Variants in EML6 observed in about 807,000 individuals in gnomAD.
EML6 encodes EMAP like 6, also known as echinoderm microtubule-associated protein-like 6.
A neutral mutation model predicts 240.1 loss-of-function variants in EML6; 154 were observed. That is an observed-to-expected ratio of 0.64 (90% confidence interval 0.56 to 0.73). The LOEUF (loss-of-function observed/expected upper bound fraction) is 0.73, where lower values mean the gene tolerates loss of function less well. Among genes scored for constraint, EML6 ranks in the 30% least tolerant of loss-of-function variants. EML6 has a pLI of 0.00. For missense variants in EML6, 2,964 were observed against 2,474.6 expected (o/e 1.20, Z -4.20); for synonymous variants, 1,148 against 899.0 (o/e 1.28, Z -4.95).
At chr2:54,909,702 A>G (rs994398086) in intron 24 of EML6, among the ~76,000 whole-genome samples, 2 of 152,002 alleles carry the variant, frequency 1.3e-5, no homozygotes, top group African/African-American at 4.8e-5. Context: ...GAATTAGCCA[A>G]GTGTGGTGGT....
chr2:54,887,235 G>T (rs938538552), intron 17 of EML6, among the ~76,000 whole-genome samples: 3 of 152,288 alleles, frequency 2.0e-5, no homozygotes, highest in African/African-American at 7.2e-5. Flanking sequence ...AATGGTTGTA[G>T]CATCAGCTGA....
At chr2:54,873,461 A>G (rs535703909) in intron 16 of EML6, among the ~76,000 whole-genome samples, 267 of 152,318 alleles carry the variant, frequency 1.8e-3, no homozygotes, top group Admixed American at 2.2e-3. Context: ...ACAAAGTCCA[A>G]ACTCCCGGAA....
chr2:54,926,341 A>T (rs908076448), intron 26 of EML6, among the ~76,000 whole-genome samples: 1 of 152,216 alleles, frequency 6.6e-6, no homozygotes, highest in African/African-American at 2.4e-5. Flanking sequence ...ACCTCAAGTG[A>T]TCTGCCCGCC....
intron 30 of EML6, 32 bp from the exon 31 acceptor site, chr2:54,952,562 C>T (rs565734132): frequency 7.6e-6 from 11 of 1,451,662 alleles, no homozygotes; most frequent in Non-Finnish European, 1.0e-5. Context: ...TTAGGTTCCA[C>T]TGTTCACCCT....
chr2:54,962,587 C>G lies in EML6; in HGVS notation c.5033C>G (p.Ser1678Cys), dbSNP rs1358785544. 5 of 1,550,162 alleles carry G rather than the reference C, an allele frequency of 3.2e-6. No individual in the cohort carries two copies. The highest frequency in any genetic ancestry group is 1.2e-5 in the South Asian group (1 of 83,344). Residue 1678 changes from serine to cysteine, a missense_variant, in exon 36 of 42, where the codon TCT (serine) becomes TGT (cysteine). Transcript: ENST00000356458. Reference sequence around the variant, plus strand: ...GAAGTTGGTGAAAAAAATGCTGCTTCTAACATCCTGATTGATGGTCACATG... The same window carrying G: ...GAAGTTGGTGAAAAAAATGCTGCTTGTAACATCCTGATTGATGGTCACATG... ...IIEVGEKNAA[S>C]NILIDGHMEG...
intron 13 of EML6, among the ~76,000 whole-genome samples, chr2:54,864,284 A>C (rs1195359856): frequency 6.6e-6 from 1 of 152,198 alleles, no homozygotes; most frequent in Non-Finnish European, 1.5e-5. Context: ...GGTGGTTTGC[A>C]TGTGAGCTTG....
intron 2 of EML6, among the ~76,000 whole-genome samples, chr2:54,753,918 C>T (rs960059851): frequency 2.0e-5 from 3 of 151,756 alleles, no homozygotes; most frequent in Non-Finnish European, 4.4e-5. Flanking sequence ...GGGTGGATCA[C>T]GAGGTCAGGA....
chr2:54,752,479 C>T (rs1328007281), intron 2 of EML6, among the ~76,000 whole-genome samples: 2 of 152,122 alleles, frequency 1.3e-5, no homozygotes, highest in Non-Finnish European at 2.9e-5. Context: ...TGAAGATAAC[C>T]ACTATTCTGA....
At chr2:54,891,187 T>C in intron 18 of EML6, 33 bp downstream of exon 18, 2 of 1,109,366 alleles carry the variant, frequency 1.8e-6, no homozygotes, top group Middle Eastern at 4.0e-4. Flanking sequence ...TTTATGTGAT[T>C]GAGAGCTTTA....
intron 17 of EML6, chr2:54,882,396 G>C (rs1030919755): frequency 2.0e-5 from 3 of 151,370 alleles, no homozygotes; most frequent in African/African-American, 7.3e-5. Context: ...CTGTCAATCA[G>C]GGCAGAATAA....
At chr2:54,922,501 A>AT (rs1674311728) in intron 26 of EML6, among the ~76,000 whole-genome samples, 1 of 152,218 alleles carries the variant, frequency 6.6e-6, no homozygotes. Flanking sequence ...TCCTCAAAAA[A>AT]TTAAAAACTA....
At chr2:54,863,033 G>A (rs752255677) in intron 12 of EML6, among the ~76,000 whole-genome samples, 6 of 152,330 alleles carry the variant, frequency 3.9e-5, no homozygotes, top group Non-Finnish European at 5.9e-5. Flanking sequence ...TTCCAATTCA[G>A]TGGACATGTA....
chr2:54,843,961 GT>G (rs761897189), intron 7 of EML6, 85 bp from the exon 8 acceptor site: 1 of 511,484 alleles, frequency 2.0e-6, no homozygotes, highest in Non-Finnish European at 2.8e-6. Flanking sequence ...TTACTTTAGG[GT>G]TTTGTGTGTG....
intron 14 of EML6, chr2:54,867,418 G>T (rs960981040): frequency 1.3e-5 from 2 of 152,186 alleles, no homozygotes; most frequent in Non-Finnish European, 2.9e-5. Context: ...TCCTTTAAAT[G>T]GATGCAAAGG....
At chr2:54,768,671 T>C (rs1275183477) in intron 2 of EML6, among the ~76,000 whole-genome samples, 1 of 152,218 alleles carries the variant, frequency 6.6e-6, no homozygotes, top group Non-Finnish European at 1.5e-5. Context: ...ATCCTCTTTC[T>C]GTGTGATCTT....
At chr2:54,855,694 CAT>C (rs1670338695) in intron 11 of EML6, among the ~76,000 whole-genome samples, 1 of 152,148 alleles carries the variant, frequency 6.6e-6, no homozygotes. Context: ...AACCCACAGA[CAT>C]ATCCATGTCC....
intron 7 of EML6, among the ~76,000 whole-genome samples, chr2:54,841,760 T>G (rs145162545): frequency 6.6e-6 from 1 of 152,006 alleles, no homozygotes; most frequent in Non-Finnish European, 1.5e-5. Context: ...GTCCAGCTAA[T>G]TTTTCTATTT....
intron 26 of EML6, among the ~76,000 whole-genome samples, chr2:54,926,516 A>G (rs1674554683): frequency 1.3e-5 from 2 of 152,264 alleles, no homozygotes; most frequent in Admixed American, 6.5e-5. Flanking sequence ...TTGAAGACCC[A>G]GAAAGGTCAT....
At chr2:54,783,629 C>A (rs570126942) in intron 2 of EML6, among the ~76,000 whole-genome samples, 5 of 152,160 alleles carry the variant, frequency 3.3e-5, no homozygotes, top group South Asian at 4.2e-4. Flanking sequence ...TGCTGAATTG[C>A]GGCTAGTTTG....
Sources: allele counts gnomAD v4.1 joint callset (sites outside exome capture counted in the v4.1 genomes callset), GRCh38; gene constraint gnomAD v4.1.1; transcripts MANE v1.5; gene names NCBI Gene and HGNC (gene_info 2026-07-23, HGNC 2026-07-21).